Variants in RAB37 observed in about 807,000 individuals in gnomAD.
The protein encoded by RAB37 is ras-related protein Rab-37.
RAB37 carries 29 observed loss-of-function variants against 33.1 expected under a neutral mutation model. The ratio of observed to expected loss-of-function variants is 0.88; its 90% CI spans 0.65 to 1.20. The LOEUF is 1.20. Among genes scored for constraint, RAB37 ranks in the 50% most tolerant of loss-of-function variants. The pLI is 0.00. For missense variants in RAB37, 299 were observed against 301.1 expected, an observed-to-expected ratio of 0.99 and a Z score of 0.05; for synonymous variants, 128 against 119.5, an observed-to-expected ratio of 1.07 and a Z score of -0.47.
intron 1 of RAB37, among the ~76,000 whole-genome samples, chr17:74,707,071 CT>C (rs1295562996): frequency 2.0e-5 from 3 of 152,196 alleles, no homozygotes; most frequent in Admixed American, 6.6e-5. Flanking sequence ...CAACATTGGT[CT>C]TGGCGATGAT....
At chr17:74,687,805 A>C (rs1047687330) in intron 1 of RAB37, among the ~76,000 whole-genome samples, 3 of 152,186 alleles carry the variant, frequency 2.0e-5, no homozygotes, top group African/African-American at 7.2e-5. Flanking sequence ...AACAGTGTGA[A>C]CCGGATCCAT....
intron 1 of RAB37, among the ~76,000 whole-genome samples, chr17:74,718,476 C>T (rs561549012): frequency 6.6e-6 from 1 of 152,152 alleles, no homozygotes; most frequent in African/African-American, 2.4e-5. Context: ...TTGCTACCTG[C>T]TCCTTGACAA....
At chr17:74,731,734 G>A (rs749250735) in intron 2 of RAB37, among the ~76,000 whole-genome samples, 2 of 152,168 alleles carry the variant, frequency 1.3e-5, no homozygotes, top group African/African-American at 2.4e-5. Context: ...CAGGCCAGGC[G>A]TGGTGGCTCA....
chr17:74,690,606 G>A (rs35917420), intron 1 of RAB37, among the ~76,000 whole-genome samples: 2,579 of 152,196 alleles, frequency 0.017, 60 homozygotes, highest in Admixed American at 0.063. Flanking sequence ...TGCCTCTTGC[G>A]TATATCTGCC....
At chr17:74,684,854 G>GAGATAGAT (rs59094915) in intron 1 of RAB37, among the ~76,000 whole-genome samples, 5,285 of 149,056 alleles carry the variant, frequency 0.035, 102 homozygotes, top group African/African-American at 0.049. Context: ...ACATATGTGT[G>GAGATAGAT]AGATAGATAG....
chr17:74,680,979 A>G (rs534416873), intron 1 of RAB37, among the ~76,000 whole-genome samples: 1 of 152,324 alleles, frequency 6.6e-6, no homozygotes, highest in African/African-American at 2.4e-5. Flanking sequence ...TTGAAATCTG[A>G]TATTTCTGCC....
At chr17:74,713,790 C>A (rs925382681) in intron 1 of RAB37, among the ~76,000 whole-genome samples, 1 of 147,470 alleles carries the variant, frequency 6.8e-6, no homozygotes. Flanking sequence ...AGGCCAGGTA[C>A]GGTGGCTCAC....
rs546336128 is a variant in RAB37, at chr17:74,675,431, C to T, written c.72+3773C>T. On this transcript the variant is annotated intron_variant, in intron 1 of 7. Coordinates refer to the RAB37 transcript ENST00000340415. ...GCCTGGTGACAGAGTGAGACTCCAT[C>T]CGAAAAAAAAAAAAAAGTGGTTGTA... is the stretch of plus-strand genomic sequence containing the variant. 4.7e-5 allele frequency among the ~76,000 whole-genome samples: 7 copies of T among 149,664 alleles called. No homozygotes were observed. In the South Asian group the frequency reaches 1.5e-3, roughly 31 times the overall value.
rs929153104 is a variant in RAB37, at chr17:74,709,712, C to T, written c.73-19544C>T. ...TCTTATGTAGCTGGGACGACAGGAC[C>T]ACAGGCATGCACCACCATACCAGGC... is the stretch of plus-strand genomic sequence containing the variant. On this transcript the variant is annotated intron_variant, in intron 1 of 7. Coordinates refer to the RAB37 transcript ENST00000340415. Among the ~76,000 whole-genome samples the T allele has an allele frequency of 3.9e-5, 6 of 151,990 alleles. No homozygotes were observed. The East Asian group carries it at 9.7e-4, about 25-fold the overall frequency.
chr17:74,696,701 A>G (rs1051486479), intron 1 of RAB37, among the ~76,000 whole-genome samples: 3 of 151,918 alleles, frequency 2.0e-5, no homozygotes, highest in Non-Finnish European at 4.4e-5. Flanking sequence ...TCTTCGTCCT[A>G]CTGAATTCTA....
chr17:74,745,405 C>T lies in RAB37; in HGVS notation c.666C>T (p.Phe222=), dbSNP rs1379393045. Residue 222 remains phenylalanine (F), a synonymous_variant, in exon 9 of 9, where the codon TTC becomes TTT. Coordinates refer to ENST00000392613, the MANE Select transcript of RAB37 (RefSeq NM_001006638.3). The surrounding 1 kb of genome is among the most constrained non-coding windows in gnomAD (Gnocchi z 4.5). Reference sequence around the variant, plus strand: ...AGAAGCGCTCCAGCTGCTGCTCCTTCATGTGAATCCCAGGGGGCAGAGAGG... The same window carrying T: ...AGAAGCGCTCCAGCTGCTGCTCCTTTATGTGAATCCCAGGGGGCAGAGAGG... ...SQKKRSSCCS[F]M is the part of the protein sequence containing the mutation. The T allele has an allele frequency of 6.2e-7, 1 of 1,613,264 alleles. No individual in the cohort carries two copies. Among genetic ancestry groups the T allele is most frequent in the East Asian group, 2.2e-5 (1 of 44,880 alleles).
chr17:74,712,964 G>T, intron 1 of RAB37: 1 of 1,255,488 alleles, frequency 8.0e-7, no homozygotes, highest in Non-Finnish European at 1.1e-6. Flanking sequence ...TCTCGCCCTT[G>T]AACTTCCTCC....
At position 74,676,428 on chromosome 17, in the gene RAB37, C is replaced by T. The variant is rs1403943519; in HGVS notation, c.72+4770C>T. ...AAAGGGATTACCAGGTCTCTGTCTT[C>T]CAAAGTATGTCCATTTCCTCCGACT... On this transcript the variant is annotated intron_variant, in intron 1 of 7. Transcript: ENST00000340415. This position sits in a 1 kb window ranked among gnomAD's most constrained non-coding sequence, Gnocchi z 4.1. 2.6e-5 allele frequency among the ~76,000 whole-genome samples: 4 copies of T among 152,118 alleles called. No homozygotes were observed. Among genetic ancestry groups the T allele is most frequent in the African/African-American group, 7.2e-5 (3 of 41,424 alleles).
rs1022016973 is a variant in RAB37, at chr17:74,671,856, A to G, written c.72+198A>G. ...GCTCTTGGGGAAGGGCTGCCGCCAG[A>G]GGCTCAGATGGTCAGAAGCTTCATT... On this transcript the variant is annotated intron_variant, in intron 1 of 7. Transcript: ENST00000340415. The surrounding 1 kb of genome is among the most constrained non-coding windows in gnomAD (Gnocchi z 5.0). Among the ~76,000 whole-genome samples, 1 of 152,210 alleles carries G rather than the reference A, an allele frequency of 6.6e-6. No individual in the cohort carries two copies. The highest frequency in any genetic ancestry group is 1.5e-5 in the Non-Finnish European group (1 of 68,038).
intron 1 of RAB37, among the ~76,000 whole-genome samples, chr17:74,696,038 T>A (rs1028706398): frequency 1.3e-5 from 2 of 152,142 alleles, no homozygotes; most frequent in African/African-American, 4.8e-5. Flanking sequence ...CCTGGCTGTT[T>A]CCAGGCCCTC....
At chr17:74,697,232 C>A (rs551815758) in intron 1 of RAB37, among the ~76,000 whole-genome samples, 2 of 152,166 alleles carry the variant, frequency 1.3e-5, no homozygotes, top group Non-Finnish European at 2.9e-5. Flanking sequence ...GCATGAGCCA[C>A]GACACCCAGA....
intron 1 of RAB37, among the ~76,000 whole-genome samples, chr17:74,679,552 G>A (rs538358036): frequency 5.9e-5 from 9 of 152,274 alleles, no homozygotes; most frequent in African/African-American, 1.9e-4. Context: ...ATAAGCATAT[G>A]GTTTATTTCT....
In RAB37 at chr17:74,742,193, C is replaced by T; in HGVS notation, c.205-61C>T. 6.3e-7 allele frequency: 1 copy of T among 1,593,862 alleles called. No individual in the cohort carries two copies. The highest frequency in any genetic ancestry group is 1.1e-5 in the South Asian group (1 of 87,934). On this transcript the variant is annotated intron_variant, in intron 2 of 8. Coordinates refer to ENST00000392613, the MANE Select transcript of RAB37 (RefSeq NM_001006638.3). This position sits in a 1 kb window ranked among gnomAD's most constrained non-coding sequence, Gnocchi z 4.0. ...CTGGAGAGGGAACAAGACAGGACGT[C>T]TGCAGAGCTGAGGAGCCACATGACT...
At position 74,727,578 on chromosome 17, in the gene RAB37, G is replaced by A. The variant is rs138835520; in HGVS notation, c.73-1678G>A. On this transcript the variant is annotated intron_variant, in intron 1 of 7. Coordinates refer to the RAB37 transcript ENST00000340415. ...CCCTGCTGTGCTCCGCCTTTGGCTGGTAATTGCCTGTAGGAAGCATGACCT... is the reference window on the plus strand; with the variant it reads ...CCCTGCTGTGCTCCGCCTTTGGCTGATAATTGCCTGTAGGAAGCATGACCT... Among the ~76,000 whole-genome samples, 129 of 152,358 alleles carry A rather than the reference G, an allele frequency of 8.5e-4. 1 individual carries two copies. The highest frequency in any genetic ancestry group is 2.8e-3 in the African/African-American group (116 of 41,586).
Sources: allele counts gnomAD v4.1 joint callset (sites outside exome capture counted in the v4.1 genomes callset), GRCh38; gene constraint gnomAD v4.1.1; non-coding constraint Gnocchi (gnomAD v3.1); transcripts MANE v1.5; gene names NCBI Gene and HGNC (gene_info 2026-07-23, HGNC 2026-07-21).